Variants in CNTN5 observed in about 807,000 individuals in gnomAD.
CNTN5 encodes contactin-5.
Under a neutral mutation model 129.1 loss-of-function variants are expected in CNTN5, and 77 were observed. That is an observed-to-expected ratio of 0.60 (90% CI 0.50 to 0.72). The LOEUF is 0.72. Among genes scored for constraint, CNTN5 ranks in the 30% least tolerant of loss-of-function variants. The pLI, the probability that CNTN5 is intolerant of heterozygous loss-of-function variation, is 0.00. For synonymous variants in CNTN5, 509 were observed against 465.6 expected, an observed-to-expected ratio of 1.09 and a Z score of -1.20; for missense variants, 1,478 against 1,328.8, an observed-to-expected ratio of 1.11 and a Z score of -1.75.
intron 4 of CNTN5, among the ~76,000 whole-genome samples, chr11:99,841,665 A>G (rs547785419): frequency 9.9e-5 from 15 of 151,438 alleles, no homozygotes; most frequent in Non-Finnish European, 1.8e-4. Flanking sequence ...GAGAAGGAGA[A>G]TGAAGAAGGA....
intron 2 of CNTN5, among the ~76,000 whole-genome samples, chr11:99,450,257 AATAT>A (rs56270711): frequency 0.021 from 3,089 of 145,908 alleles, 59 homozygotes; most frequent in Admixed American, 0.047. Context: ...TGCTGGTAGA[AATAT>A]ATATATATAT....
At chr11:100,328,303 C>A (rs377747600) in intron 21 of CNTN5, among the ~76,000 whole-genome samples, 87 of 152,218 alleles carry the variant, frequency 5.7e-4, no homozygotes, top group African/African-American at 2.0e-3. Context: ...CTGCAGTAAG[C>A]TCAGATCATG....
chr11:99,364,325 T>G (rs1397410132), intron 2 of CNTN5, among the ~76,000 whole-genome samples: 2 of 152,106 alleles, frequency 1.3e-5, no homozygotes, highest in African/African-American at 4.8e-5. Context: ...ACTCAAATAC[T>G]CAAGTGGTTG....
chr11:99,699,814 T>A (rs1342437530), intron 3 of CNTN5, among the ~76,000 whole-genome samples: 1 of 151,450 alleles, frequency 6.6e-6, no homozygotes, highest in African/African-American at 2.4e-5. Context: ...CCTTTATTTA[T>A]AAATCTAGCT....
chr11:99,041,401 T>C (rs1863978442), intron 1 of CNTN5, among the ~76,000 whole-genome samples: 1 of 152,190 alleles, frequency 6.6e-6, no homozygotes, highest in South Asian at 2.1e-4. Context: ...CTGTTTCTCC[T>C]CTTGCCTCTA....
At position 100,061,290 on chromosome 11, in the gene CNTN5, G is replaced by T; in HGVS notation, c.1059G>T (p.Val353=). The T allele has an allele frequency of 6.2e-7, 1 of 1,613,674 alleles. No individual in the cohort carries two copies. The highest frequency in any genetic ancestry group is 8.5e-7 in the Non-Finnish European group (1 of 1,179,616). The change falls in exon 10 of 25, where the codon GTG becomes GTT. Residue 353 remains valine (V), a synonymous_variant. Coordinates refer to ENST00000524871, the MANE Select transcript of CNTN5 (RefSeq NM_014361.4). ...SKARLRKSQA[V]LEIPNVQLDD... ...CACGTCTGCGGAAATCTCAGGCGGTGCTGGAAATACCGAATGTACAGCTGG... is the reference window on the plus strand; with the variant it reads ...CACGTCTGCGGAAATCTCAGGCGGTTCTGGAAATACCGAATGTACAGCTGG...
intron 2 of CNTN5, among the ~76,000 whole-genome samples, chr11:99,462,849 C>G (rs1047525090): frequency 2.0e-5 from 3 of 152,070 alleles, no homozygotes; most frequent in African/African-American, 4.8e-5. Flanking sequence ...CTTTGTGACG[C>G]TGAGGCAGGT....
intron 2 of CNTN5, among the ~76,000 whole-genome samples, chr11:99,375,594 A>G (rs922278306): frequency 6.6e-6 from 1 of 152,200 alleles, no homozygotes; most frequent in African/African-American, 2.4e-5. Context: ...TAAAAATACA[A>G]CAGTGATTTA....
intron 3 of CNTN5, among the ~76,000 whole-genome samples, chr11:99,662,895 C>G (rs1448414549): frequency 2.0e-5 from 3 of 152,180 alleles, no homozygotes; most frequent in Admixed American, 1.3e-4. Context: ...AAGCTCTGCT[C>G]TAGAGGACAA....
Position 99,771,817 on chromosome 11 carries a change from A to G in CNTN5, c.56-47727A>G, listed in dbSNP as rs563237173. On this transcript the variant is annotated intron_variant, in intron 3 of 24. Coordinates refer to ENST00000524871, the MANE Select transcript of CNTN5 (RefSeq NM_014361.4). The stretch of plus-strand genomic sequence containing the variant: ...GTGTTGTCACCATAAAATGATGGCA[A>G]CTGCGTGAGGTGATAGATATACATT... Among the ~76,000 whole-genome samples the G allele has an allele frequency of 3.3e-5, 5 of 152,128 alleles. No individual in the cohort carries two copies. The South Asian group carries it at 8.3e-4, about 25-fold the overall frequency.
chr11:100,318,023 T>G (rs781553469), intron 21 of CNTN5, among the ~76,000 whole-genome samples: 3 of 152,050 alleles, frequency 2.0e-5, no homozygotes, highest in Non-Finnish European at 2.9e-5. Flanking sequence ...GGGCGGATCA[T>G]GAGGTCAGGA....
chr11:99,251,866 G>A (rs375872423), intron 1 of CNTN5, among the ~76,000 whole-genome samples: 11 of 152,108 alleles, frequency 7.2e-5, no homozygotes, highest in African/African-American at 2.6e-4. Context: ...CTGTCGTGAG[G>A]AAAACAGTGA....
At chr11:99,228,929 G>A (rs1406778987) in intron 1 of CNTN5, among the ~76,000 whole-genome samples, 1 of 151,682 alleles carries the variant, frequency 6.6e-6, no homozygotes, top group Non-Finnish European at 1.5e-5. Context: ...ATTTCTTTAT[G>A]ATTGTTTTGC....
intron 1 of CNTN5, among the ~76,000 whole-genome samples, chr11:99,111,853 G>A (rs905816239): frequency 6.6e-6 from 1 of 151,892 alleles, no homozygotes; most frequent in Non-Finnish European, 1.5e-5. Context: ...TACTCCTGTT[G>A]CTGACAGCAC....
At chr11:100,115,321 A>C (rs1259227499) in intron 13 of CNTN5, among the ~76,000 whole-genome samples, 4 of 152,086 alleles carry the variant, frequency 2.6e-5, no homozygotes. Context: ...TTAAGGAGTA[A>C]GATATTATTT....
At chr11:99,222,385 G>A (rs982797396) in intron 1 of CNTN5, among the ~76,000 whole-genome samples, 2 of 151,694 alleles carry the variant, frequency 1.3e-5, no homozygotes, top group African/African-American at 4.8e-5. Flanking sequence ...ATTAACTCAT[G>A]AATTAACCCA....
intron 6 of CNTN5, among the ~76,000 whole-genome samples, chr11:99,874,689 A>G (rs1349870551): frequency 6.6e-6 from 1 of 152,208 alleles, no homozygotes; most frequent in Non-Finnish European, 1.5e-5. Flanking sequence ...TAAAGAAAAG[A>G]TATATGCTTG....
chr11:99,976,170 G>C (rs890469333), intron 8 of CNTN5, among the ~76,000 whole-genome samples: 4 of 152,208 alleles, frequency 2.6e-5, no homozygotes, highest in Admixed American at 1.3e-4. Context: ...CTCACATCCA[G>C]GGAGTGCTGA....
chr11:99,351,012 G>T (rs1375497399), intron 2 of CNTN5, among the ~76,000 whole-genome samples: 1 of 151,966 alleles, frequency 6.6e-6, no homozygotes, highest in Non-Finnish European at 1.5e-5. Flanking sequence ...ACACACCAAG[G>T]CCTGTGGGGG....
Sources: allele counts gnomAD v4.1 joint callset (sites outside exome capture counted in the v4.1 genomes callset), GRCh38; gene constraint gnomAD v4.1.1; transcripts MANE v1.5; gene names NCBI Gene and HGNC (gene_info 2026-07-23, HGNC 2026-07-21).